The following NOL4 variants were observed in gnomAD, a reference collection of about 807,000 sequenced individuals.
NOL4 encodes cancer/testis antigen 125.
NOL4 carries 17 observed loss-of-function variants against 75.9 expected under a neutral mutation model. The observed-to-expected ratio is 0.22, with a 90% CI of 0.15 to 0.34. NOL4 has a LOEUF of 0.34. Among genes scored for constraint, NOL4 ranks in the 10% least tolerant of loss-of-function variants. The pLI, the probability that NOL4 is intolerant of heterozygous loss-of-function variation, is 1.00. For synonymous variants in NOL4, 292 were observed against 289.9 expected, an observed-to-expected ratio of 1.01 and a Z score of -0.07; for missense variants, 614 against 793.5, an observed-to-expected ratio of 0.77 and a Z score of 2.72.
intron 1 of NOL4, among the ~76,000 whole-genome samples, chr18:34,143,464 A>T (rs2081269693): frequency 6.6e-6 from 1 of 152,168 alleles, no homozygotes; most frequent in South Asian, 2.1e-4. Context: ...ATGGCAAATA[A>T]AACTCCATAC....
intron 6 of NOL4, among the ~76,000 whole-genome samples, chr18:34,012,379 ATCTT>A (rs1313393619): frequency 6.6e-6 from 1 of 151,964 alleles, no homozygotes; most frequent in Non-Finnish European, 1.5e-5. Flanking sequence ...ACTTTATTAT[ATCTT>A]TCTTATGTAT....
intron 1 of NOL4, among the ~76,000 whole-genome samples, chr18:34,216,177 T>C (rs2036875929): frequency 6.6e-6 from 1 of 152,156 alleles, no homozygotes. Context: ...GGACAAAATA[T>C]AGAGTTAGAC....
Position 33,958,383 on chromosome 18 carries a change from G to C in NOL4, c.1092C>G (p.Gly364=), listed in dbSNP as rs1372756430. 11 of 1,613,072 alleles carry C rather than the reference G, an allele frequency of 6.8e-6. No individual in the cohort carries two copies. The highest frequency in any genetic ancestry group is 9.3e-6 in the Non-Finnish European group (11 of 1,179,448). ...PAHSYSSYDS[G]KNESVDRGAE... ...CTCCTCGGTCTACACTCTCATTTTT[G>C]CCAGAGTCATAGCTGGAGTAACTAT... Residue 364 remains glycine, a synonymous_variant, in exon 7 of 11, where the codon GGC becomes GGG. Transcript: ENST00000261592.
intron 5 of NOL4, among the ~76,000 whole-genome samples, chr18:34,033,995 G>A (rs1318003787): frequency 6.6e-6 from 1 of 152,040 alleles, no homozygotes; most frequent in African/African-American, 2.4e-5. Context: ...ACAATTGAAA[G>A]CAAAGGAAAT....
chr18:33,979,284 G>C (rs1418915180), intron 6 of NOL4, among the ~76,000 whole-genome samples: 1 of 151,848 alleles, frequency 6.6e-6, no homozygotes, highest in Admixed American at 6.6e-5. Context: ...GGATGAGAGG[G>C]CAAAAAGAAG....
chr18:34,128,878 AT>A, intron 2 of NOL4: 1 of 980,694 alleles, frequency 1.0e-6, no homozygotes, highest in Non-Finnish European at 1.2e-6. Context: ...CATTTCACAC[AT>A]TTTTCTGTAT....
At chr18:33,948,741 G>A (rs2145634439) in intron 8 of NOL4, among the ~76,000 whole-genome samples, 1 of 152,118 alleles carries the variant, frequency 6.6e-6, no homozygotes, top group Non-Finnish European at 1.5e-5. Context: ...TATTTTATAA[G>A]CACTTTTATA....
chr18:34,109,375 C>G (rs956332236), intron 2 of NOL4, among the ~76,000 whole-genome samples: 4 of 151,892 alleles, frequency 2.6e-5, no homozygotes, highest in Middle Eastern at 3.4e-3. Context: ...AAAAATTCGT[C>G]GGGCATGGTG....
chr18:34,002,637 A>C (rs1386089435), intron 6 of NOL4, among the ~76,000 whole-genome samples: 1 of 152,120 alleles, frequency 6.6e-6, no homozygotes, highest in Non-Finnish European at 1.5e-5. Flanking sequence ...GCAACACAGT[A>C]CTTGGCTCAC....
At chr18:34,005,476 T>A (rs1037908321) in intron 6 of NOL4, among the ~76,000 whole-genome samples, 1 of 152,016 alleles carries the variant, frequency 6.6e-6, no homozygotes, top group African/African-American at 2.4e-5. Context: ...CTATTTCTTT[T>A]CTTTCTGGGC....
At chr18:34,015,848 T>C (rs2074659260) in intron 6 of NOL4, among the ~76,000 whole-genome samples, 1 of 152,126 alleles carries the variant, frequency 6.6e-6, no homozygotes, top group Admixed American at 6.6e-5. Context: ...CGTCATCCAC[T>C]TAGGCAACAA....
chr18:34,095,785 AT>A (rs1402161902), intron 4 of NOL4, among the ~76,000 whole-genome samples: 1 of 152,128 alleles, frequency 6.6e-6, no homozygotes, highest in Non-Finnish European at 1.5e-5. Context: ...AATATAACAC[AT>A]TTCAATATAA....
At position 34,198,448 on chromosome 18, in the gene NOL4, G is replaced by A. The variant is rs542908548; in HGVS notation, c.264+24542C>T. ...TTTCCATTTTGATTTTTCTTTGATAGATGAATTATTTTTCAGTGTGCTTTT... is the reference window on the plus strand; with the variant it reads ...TTTCCATTTTGATTTTTCTTTGATAAATGAATTATTTTTCAGTGTGCTTTT... On this transcript the variant is annotated intron_variant, in intron 1 of 10. Coordinates refer to ENST00000261592, the MANE Select transcript of NOL4 (RefSeq NM_003787.5). Among the ~76,000 whole-genome samples, 13 of 151,764 alleles carry A rather than the reference G, an allele frequency of 8.6e-5. No homozygotes were observed. The South Asian group carries it at 2.7e-3, about 32-fold the overall frequency.
At chr18:33,884,664 G>T (rs2064527000) in intron 9 of NOL4, among the ~76,000 whole-genome samples, 1 of 151,528 alleles carries the variant, frequency 6.6e-6, no homozygotes, top group African/African-American at 2.4e-5. Flanking sequence ...AGATTTCTAG[G>T]GAATTCTTAG....
At chr18:34,040,393 G>A (rs1421818208) in intron 5 of NOL4, among the ~76,000 whole-genome samples, 1 of 151,790 alleles carries the variant, frequency 6.6e-6, no homozygotes, top group Non-Finnish European at 1.5e-5. Context: ...AAGCTATTTT[G>A]AGGTGATTGA....
At chr18:34,121,245 G>A (rs2145840586) in intron 2 of NOL4, 1 of 152,264 alleles carries the variant, frequency 6.6e-6, no homozygotes, top group African/African-American at 2.4e-5. Flanking sequence ...TGGGAGTGTG[G>A]AAAACCTCTT....
chr18:33,996,103 A>G, intron 6 of NOL4, among the ~76,000 whole-genome samples: 1 of 151,894 alleles, frequency 6.6e-6, no homozygotes, highest in Admixed American at 6.6e-5. Context: ...AGATCAGAAT[A>G]AAGACAAGGA....
At chr18:33,887,785 T>C (rs1469534535) in intron 9 of NOL4, among the ~76,000 whole-genome samples, 2 of 152,176 alleles carry the variant, frequency 1.3e-5, no homozygotes, top group Non-Finnish European at 2.9e-5. Flanking sequence ...TTCCATGGTG[T>C]ATATGTGCCA....
chr18:33,983,087 C>T (rs2072110304), intron 6 of NOL4, among the ~76,000 whole-genome samples: 1 of 151,872 alleles, frequency 6.6e-6, no homozygotes. Context: ...TGAAATAACA[C>T]AATCTTAAAA....
Sources: allele counts gnomAD v4.1 joint callset (sites outside exome capture counted in the v4.1 genomes callset), GRCh38; gene constraint gnomAD v4.1.1; transcripts MANE v1.5; gene names NCBI Gene and HGNC (gene_info 2026-07-23, HGNC 2026-07-21).